CAST: variants seen among roughly 807,000 people sequenced by gnomAD.
CAST encodes the protein MIR583 host.
A neutral mutation model predicts 119.6 loss-of-function variants in CAST; 76 were observed. That is an observed-to-expected ratio of 0.64 (90% CI 0.53 to 0.77). The LOEUF (loss-of-function observed/expected upper bound fraction) is 0.77. Among genes scored for constraint, CAST ranks in the 30% least tolerant of loss-of-function variants. CAST has a pLI of 0.00. For synonymous variants in CAST, 319 were observed against 331.6 expected (o/e 0.96, Z 0.41); for missense variants, 953 against 946.5 (o/e 1.01, Z -0.09).
intron 1 of CAST, among the ~76,000 whole-genome samples, chr5:96,607,759 G>A (rs1203293805): frequency 6.6e-6 from 1 of 151,038 alleles, no homozygotes; most frequent in Non-Finnish European, 1.5e-5. Flanking sequence ...GAGACTGCCG[G>A]TGCAGAAGGT....
At chr5:96,517,557 C>T in the CAST span, among the ~76,000 whole-genome samples, 1 of 152,196 alleles carries the variant, frequency 6.6e-6, no homozygotes, top group Non-Finnish European at 1.5e-5. Context: ...AAGGAGGATA[C>T]ATAAATGGAG....
At chr5:96,293,946 G>C in the CAST span, among the ~76,000 whole-genome samples, 1 of 151,830 alleles carries the variant, frequency 6.6e-6, no homozygotes, top group Non-Finnish European at 1.5e-5. Flanking sequence ...TTTTAGTAGA[G>C]ATGGGGTTTC....
chr5:96,180,044 G>A, the CAST span, among the ~76,000 whole-genome samples: 595 of 151,808 alleles, frequency 3.9e-3, 3 homozygotes, highest in African/African-American at 0.014. Context: ...AAAAAGAACT[G>A]CTAGAGCGTA....
At chr5:96,300,052 G>A in the CAST span, among the ~76,000 whole-genome samples, 5 of 151,964 alleles carry the variant, frequency 3.3e-5, no homozygotes, top group African/African-American at 9.7e-5. Context: ...CTCTCAATTT[G>A]TAGGTTATCT....
At chr5:95,961,559 C>T in the CAST span, 2 of 1,568,126 alleles carry the variant, frequency 1.3e-6, no homozygotes, top group African/African-American at 1.4e-5. Context: ...CCCAGCCTGC[C>T]GGCCGGCCCG....
the CAST span, among the ~76,000 whole-genome samples, chr5:96,370,542 G>T: frequency 6.6e-6 from 1 of 152,074 alleles, no homozygotes; most frequent in Admixed American, 6.5e-5. Context: ...CCCCACAACT[G>T]CATCCAACCT....
the CAST span, among the ~76,000 whole-genome samples, chr5:96,011,878 C>A: frequency 1.3e-5 from 2 of 152,068 alleles, no homozygotes; most frequent in Non-Finnish European, 2.9e-5. Flanking sequence ...GAAATACATT[C>A]TTAGAGTAAG....
the CAST span, among the ~76,000 whole-genome samples, chr5:96,472,354 A>G: frequency 6.6e-6 from 1 of 152,156 alleles, no homozygotes; most frequent in African/African-American, 2.4e-5. Flanking sequence ...CCATCACACC[A>G]TTCTTTCCAG....
chr5:96,001,505 C>T, the CAST span, among the ~76,000 whole-genome samples: 6 of 152,136 alleles, frequency 3.9e-5, no homozygotes, highest in African/African-American at 1.4e-4. Flanking sequence ...TTTCTTCACA[C>T]TGTGGTACAA....
chr5:96,032,108 C>A, the CAST span, among the ~76,000 whole-genome samples: 2 of 152,246 alleles, frequency 1.3e-5, no homozygotes, highest in Admixed American at 1.3e-4. Flanking sequence ...ATCACTCTTT[C>A]TGTATTTTAC....
chr5:96,225,275 C>G, the CAST span, among the ~76,000 whole-genome samples: 1 of 151,562 alleles, frequency 6.6e-6, no homozygotes, highest in Admixed American at 6.6e-5. Flanking sequence ...CCTTCCCTTC[C>G]TTTTTTTCCT....
chr5:96,730,027 G>GACAGCTGTCTCCCAGA (rs756880484), intron 8 of CAST, among the ~76,000 whole-genome samples: 1,974 of 152,240 alleles, frequency 0.013, 23 homozygotes, highest in East Asian at 0.036. Flanking sequence ...TCCCAGACAG[G>GACAGCTGTCTCCCAGA]CAGCTTTGGA....
the CAST span, among the ~76,000 whole-genome samples, chr5:96,166,070 A>G: frequency 6.6e-6 from 1 of 152,210 alleles, no homozygotes; most frequent in African/African-American, 2.4e-5. Flanking sequence ...TTTTGCCAAT[A>G]TCTGTGAGAT....
At chr5:96,248,664 G>T in the CAST span, among the ~76,000 whole-genome samples, 2 of 152,176 alleles carry the variant, frequency 1.3e-5, no homozygotes, top group African/African-American at 4.8e-5. Context: ...AGTCATTTCA[G>T]CTTTTAAAGG....
the CAST span, among the ~76,000 whole-genome samples, chr5:96,462,815 AG>A: frequency 6.6e-6 from 1 of 152,050 alleles, no homozygotes; most frequent in Non-Finnish European, 1.5e-5. Context: ...TTATCATGAT[AG>A]TGAGGGAGTT....
chr5:96,495,130 A>AC, the CAST span, among the ~76,000 whole-genome samples: 17 of 130,916 alleles, frequency 1.3e-4, no homozygotes, highest in African/African-American at 4.5e-4. Flanking sequence ...CTCAAAAAAA[A>AC]AAAAAAAAAA....
At chr5:96,349,043 G>A in the CAST span, among the ~76,000 whole-genome samples, 2 of 151,476 alleles carry the variant, frequency 1.3e-5, no homozygotes, top group Non-Finnish European at 2.9e-5. Flanking sequence ...AGTCAGGAAG[G>A]AGAAAACATA....
chr5:96,451,875 A>G, the CAST span, among the ~76,000 whole-genome samples: 1 of 152,274 alleles, frequency 6.6e-6, no homozygotes, highest in East Asian at 1.9e-4. Flanking sequence ...TTATGCGGCC[A>G]ACAAACATGA....
At chr5:96,526,583 A>T (rs547677612), upstream of CAST, among the ~76,000 whole-genome samples, 3 of 152,320 alleles carry the variant, frequency 2.0e-5, no homozygotes, top group Admixed American at 2.0e-4. Context: ...CCTTTACTTC[A>T]ATATAGTCAA....
Sources: gnomAD v4.1 joint callset for allele counts (sites outside exome capture counted in the v4.1 genomes callset) on GRCh38, gnomAD v4.1.1 for gene constraint, MANE v1.5 for transcripts, NCBI Gene and HGNC (gene_info 2026-07-23, HGNC 2026-07-21) for gene names.